AOX1: variants seen among roughly 807,000 people sequenced by gnomAD.
AOX1 encodes the protein aldehyde oxidase 1.
In AOX1, 153 loss-of-function variants were observed where a neutral mutation model predicts 169.5. The observed-to-expected ratio is 0.90, with a 90% confidence interval of 0.79 to 1.03. The LOEUF (loss-of-function observed/expected upper bound fraction) is 1.03. Among genes scored for constraint, AOX1 ranks in the 50% least tolerant of loss-of-function variants. The pLI, the probability that AOX1 is intolerant of heterozygous loss-of-function variation, is 0.00. For missense variants in AOX1, 1,656 were observed against 1,663.9 expected (o/e 1.00, Z 0.08); for synonymous variants, 562 against 581.9 (o/e 0.97, Z 0.49).
chr2:200,614,704 A>G (rs1391996025), intron 15 of AOX1, among the ~76,000 whole-genome samples: 1 of 152,200 alleles, frequency 6.6e-6, no homozygotes, highest in Non-Finnish European at 1.5e-5. Context: ...TTCCTGTGGT[A>G]TAGAAGTTAG....
intron 31 of AOX1, among the ~76,000 whole-genome samples, chr2:200,663,272 AC>A (rs2035862434): frequency 1.3e-5 from 2 of 152,214 alleles, no homozygotes; most frequent in Admixed American, 1.3e-4. Context: ...TATTGGCACA[AC>A]CAGCAATTCT....
intron 26 of AOX1, among the ~76,000 whole-genome samples, chr2:200,651,873 C>T (rs879565936): frequency 5.3e-5 from 8 of 152,116 alleles, no homozygotes; most frequent in South Asian, 2.1e-4. Flanking sequence ...TTACCCCTAA[C>T]GGCTGGTGAA....
chr2:200,638,342 G>A (rs982609011), intron 23 of AOX1, 40 bp downstream of exon 23: 1 of 1,544,082 alleles, frequency 6.5e-7, no homozygotes, highest in Middle Eastern at 1.7e-4. Context: ...TTATGTTGTA[G>A]ATACAACATC....
intron 1 of AOX1, among the ~76,000 whole-genome samples, chr2:200,586,805 C>T (rs905254648): frequency 6.6e-6 from 1 of 152,218 alleles, no homozygotes; most frequent in Non-Finnish European, 1.5e-5. Context: ...AAGCTGGGCT[C>T]GCTCTGCGCA....
chr2:200,610,706 T>C (rs2034616526), intron 12 of AOX1, among the ~76,000 whole-genome samples: 1 of 152,204 alleles, frequency 6.6e-6, no homozygotes, highest in African/African-American at 2.4e-5. Flanking sequence ...TTGATCAGAA[T>C]ATCAAAAGAG....
chr2:200,650,980 A>G lies in AOX1; in HGVS notation c.2854A>G (p.Ile952Val). ...ATCTCCTTTTCTTTCATAGGTGCGA[A>G]TCATAAACATGTACAAGGAAATTGA... is the stretch of plus-strand genomic sequence containing the variant. ...KCGLSPEKVRIINMYKEIDQT... is the reference protein window; with the variant it reads ...KCGLSPEKVRVINMYKEIDQT... Residue 952 changes from isoleucine (I) to valine (V), a missense_variant, in exon 26 of 35, where the codon ATC (isoleucine) becomes GTC (valine). By Grantham distance (29) the Ile-to-Val change is conservative. Transcript: ENST00000374700. 1.2e-6 allele frequency: 2 copies of G among 1,614,112 alleles called. No homozygotes were observed. Among genetic ancestry groups the G allele is most frequent in the Non-Finnish European group, 1.7e-6 (2 of 1,179,996 alleles).
At chr2:200,641,065 G>T (rs775188294) in intron 23 of AOX1, 33 bp from the exon 24 acceptor site, 2 of 1,555,160 alleles carry the variant, frequency 1.3e-6, no homozygotes, top group Non-Finnish European at 1.8e-6. Context: ...CTTGGCCCCT[G>T]TTCCAGCATT....
chr2:200,665,240 C>T (rs576828928), intron 31 of AOX1, among the ~76,000 whole-genome samples: 6 of 152,318 alleles, frequency 3.9e-5, no homozygotes, highest in Non-Finnish European at 8.8e-5. Flanking sequence ...TGACTACTGT[C>T]ACCTCTGCCA....
intron 28 of AOX1, among the ~76,000 whole-genome samples, chr2:200,659,777 TTCTCTC>T (rs112152232): frequency 2.0e-5 from 2 of 99,222 alleles, no homozygotes; most frequent in Non-Finnish European, 2.2e-5. Context: ...ACAAGGCCAG[TTCTCTC>T]TCTCACACAC....
intron 12 of AOX1, 23 bp from the exon 13 acceptor site, chr2:200,611,361 G>A: frequency 1.3e-6 from 2 of 1,530,484 alleles, no homozygotes; most frequent in South Asian, 1.1e-5. Context: ...AGATCCCAGG[G>A]AAAGTGTCAT....
chr2:200,603,439 C>T (rs1042085122), intron 7 of AOX1, 83 bp downstream of exon 7: 4 of 1,032,542 alleles, frequency 3.9e-6, no homozygotes, highest in Middle Eastern at 2.1e-4. Flanking sequence ...CAAATGGCTA[C>T]CCAAGTTGAC....
intron 29 of AOX1, 80 bp from the exon 30 acceptor site, chr2:200,661,499 G>C (rs1162454568): frequency 2.7e-6 from 3 of 1,101,206 alleles, no homozygotes; most frequent in Non-Finnish European, 1.4e-6. Flanking sequence ...TTAACACACA[G>C]GGTAAAATTA....
intron 1 of AOX1, among the ~76,000 whole-genome samples, chr2:200,587,595 C>T (rs2034065763): frequency 6.6e-6 from 1 of 152,116 alleles, no homozygotes; most frequent in Non-Finnish European, 1.5e-5. Flanking sequence ...CTTTGTCTGC[C>T]CCTGCTGCCT....
Position 200,639,755 on chromosome 2 carries a change from C to T in AOX1, c.2569-1343C>T, listed in dbSNP as rs368584297. Among the ~76,000 whole-genome samples the T allele has an allele frequency of 2.4e-4, 36 of 152,222 alleles. No homozygotes were observed. In the East Asian group the frequency reaches 4.4e-3, roughly 19 times the overall value. The stretch of plus-strand genomic sequence containing the variant: ...AAAGATAGGTCTTCAAGAATGGAGG[C>T]CAGGCACGGTGGCTCAGGCCTGTAA... On this transcript the variant is annotated intron_variant, in intron 23 of 34. Transcript: ENST00000374700.
chr2:200,675,491 T>G (rs2036082933), downstream of AOX1, among the ~76,000 whole-genome samples: 1 of 152,132 alleles, frequency 6.6e-6, no homozygotes, highest in Non-Finnish European at 1.5e-5. Flanking sequence ...TGTACATGAT[T>G]TGTTATATTA....
At chr2:200,648,356 T>C (rs1190060189) in intron 25 of AOX1, among the ~76,000 whole-genome samples, 4 of 152,238 alleles carry the variant, frequency 2.6e-5, no homozygotes. Flanking sequence ...GATTGTTGTC[T>C]TTCTTCTGGG....
chr2:200,670,538 C>A, intron 34 of AOX1, 91 bp from the exon 35 acceptor site: 1 of 1,070,624 alleles, frequency 9.3e-7, no homozygotes, highest in Non-Finnish European at 1.4e-6. Flanking sequence ...TTGCCCTCTG[C>A]TGGTGTTTAA....
intron 31 of AOX1, among the ~76,000 whole-genome samples, chr2:200,665,511 A>G (rs562345169): frequency 1.3e-5 from 2 of 152,312 alleles, no homozygotes; most frequent in African/African-American, 4.8e-5. Context: ...AGTTCACTGC[A>G]GCCTCTGCCT....
intron 26 of AOX1, among the ~76,000 whole-genome samples, chr2:200,656,606 A>G (rs912630507): frequency 1.3e-5 from 2 of 152,072 alleles, no homozygotes; most frequent in Admixed American, 6.6e-5. Flanking sequence ...CTATGAGAAT[A>G]TGTGTGCACA....
Sources: gnomAD v4.1 joint callset for allele counts (sites outside exome capture counted in the v4.1 genomes callset) on GRCh38, gnomAD v4.1.1 for gene constraint, MANE v1.5 for transcripts, NCBI Gene and HGNC (gene_info 2026-07-23, HGNC 2026-07-21) for gene names.